KIF26B: variants seen among roughly 807,000 people sequenced by gnomAD.
KIF26B encodes the protein kinesin family member 26B, also known as kinesin-like protein KIF26B.
KIF26B carries 63 observed loss-of-function variants against 151.2 expected under a neutral mutation model. The observed-to-expected ratio is 0.42, with a 90% confidence interval of 0.34 to 0.51. The LOEUF (loss-of-function observed/expected upper bound fraction) is 0.51, where lower values mean the gene tolerates loss of function less well. KIF26B is among the 20% of genes least tolerant of loss of function. The pLI, the probability that KIF26B is intolerant of heterozygous loss-of-function variation, is 0.07. For missense variants in KIF26B, 2,813 were observed against 2,913.6 expected (o/e 0.97, Z 0.79); for synonymous variants, 1,357 against 1,262.1 (o/e 1.08, Z -1.59).
At chr1:245,190,836 G>T (rs915700823) in intron 2 of KIF26B, among the ~76,000 whole-genome samples, 15 of 151,406 alleles carry the variant, frequency 9.9e-5, no homozygotes, top group African/African-American at 3.2e-4. Context: ...AAGGTGGGTG[G>T]ATCACCTGAG....
chr1:245,515,197 C>T (rs951702517), intron 4 of KIF26B, among the ~76,000 whole-genome samples: 4 of 152,170 alleles, frequency 2.6e-5, no homozygotes, highest in South Asian at 2.1e-4. Context: ...TGACTCGTGC[C>T]GGTCCCTCAG....
chr1:245,174,503 T>TGTATGTAC (rs10666741), intron 2 of KIF26B, among the ~76,000 whole-genome samples: 113,345 of 149,938 alleles, frequency 0.76, 46,155 homozygotes, highest in Non-Finnish European at 0.9. Context: ...TATGTACTTA[T>TGTATGTAC]TTATTTATTT....
chr1:245,212,340 C>T (rs1391560910), intron 2 of KIF26B, among the ~76,000 whole-genome samples: 17 of 152,134 alleles, frequency 1.1e-4, no homozygotes, highest in Admixed American at 6.5e-5. Flanking sequence ...TGGAATTCTG[C>T]GTTCCTGCAG....
At position 245,419,741 on chromosome 1, in the gene KIF26B, G is replaced by C. The variant is rs1285529920; in HGVS notation, c.1162G>C (p.Ala388Pro). The change falls in exon 4 of 15, where the codon GCA becomes CCA. Residue 388 changes from alanine to proline, a missense_variant. By Grantham distance (27) the Ala-to-Pro change is conservative. Transcript: ENST00000407071. The part of the protein sequence containing the change: ...TGTSVAASFF[A>P]RAAQKLNLSS... ...CACATCGGTGGCCGCCTCCTTCTTT[G>C]CACGGTAAGAGAGCTGTTCAGATCC... 1 of 1,610,686 alleles carries C rather than the reference G, an allele frequency of 6.2e-7. No individual in the cohort carries two copies. The highest frequency in any genetic ancestry group is 8.5e-7 in the Non-Finnish European group (1 of 1,178,422).
chr1:245,345,627 G>A (rs1002835899), intron 2 of KIF26B, among the ~76,000 whole-genome samples: 6 of 152,106 alleles, frequency 3.9e-5, no homozygotes, highest in African/African-American at 9.7e-5. Flanking sequence ...GGATCTCGGG[G>A]GTGGTTTCTC....
chr1:245,503,380 T>G (rs973255757), intron 4 of KIF26B, among the ~76,000 whole-genome samples: 1 of 152,230 alleles, frequency 6.6e-6, no homozygotes, highest in Non-Finnish European at 1.5e-5. Context: ...ATATACCACA[T>G]GCCAAATGAG....
At chr1:245,508,395 C>T (rs1236287487) in intron 4 of KIF26B, among the ~76,000 whole-genome samples, 7 of 152,260 alleles carry the variant, frequency 4.6e-5, no homozygotes, top group South Asian at 2.1e-4. Flanking sequence ...CGCCCGCCAC[C>T]ACGCCCGGCT....
At chr1:245,701,328 T>C (rs578109636) in intron 14 of KIF26B, among the ~76,000 whole-genome samples, 2 of 152,208 alleles carry the variant, frequency 1.3e-5, no homozygotes, top group South Asian at 4.1e-4. Context: ...TTTTTAGTTC[T>C]ATTATTTCTT....
chr1:245,674,277 T>A (rs2147943750), intron 10 of KIF26B, among the ~76,000 whole-genome samples: 1 of 152,290 alleles, frequency 6.6e-6, no homozygotes, highest in South Asian at 2.1e-4. Context: ...TAACTCAGGA[T>A]AATGATTCAG....
intron 3 of KIF26B, among the ~76,000 whole-genome samples, chr1:245,397,540 ACTT>A (rs1673878986): frequency 1.3e-5 from 2 of 152,184 alleles, no homozygotes; most frequent in Admixed American, 1.3e-4. Flanking sequence ...TAGCTTGTTA[ACTT>A]TATTGTATTT....
intron 5 of KIF26B, among the ~76,000 whole-genome samples, chr1:245,555,870 G>A (rs578116527): frequency 6.6e-6 from 1 of 152,306 alleles, no homozygotes; most frequent in South Asian, 2.1e-4. Context: ...GTGGACCACT[G>A]ATTTCACAAT....
At chr1:245,186,270 G>A (rs1182806993) in intron 2 of KIF26B, among the ~76,000 whole-genome samples, 1 of 152,150 alleles carries the variant, frequency 6.6e-6, no homozygotes, top group Non-Finnish European at 1.5e-5. Flanking sequence ...CATGGGCCGA[G>A]CTGGGTTCTA....
At chr1:245,298,330 G>A (rs541675654) in intron 2 of KIF26B, among the ~76,000 whole-genome samples, 21 of 152,330 alleles carry the variant, frequency 1.4e-4, no homozygotes, top group Admixed American at 9.8e-4. Context: ...ATTCTTCAGC[G>A]TGGAGAAAGA....
At chr1:245,567,068 C>T (rs2043017745) in intron 5 of KIF26B, among the ~76,000 whole-genome samples, 1 of 152,202 alleles carries the variant, frequency 6.6e-6, no homozygotes, top group Admixed American at 6.5e-5. Flanking sequence ...GAGCCCTGCA[C>T]CCCAGCCGCG....
At chr1:245,354,793 T>A (rs1672648353) in intron 2 of KIF26B, among the ~76,000 whole-genome samples, 1 of 152,242 alleles carries the variant, frequency 6.6e-6, no homozygotes, top group South Asian at 2.1e-4. Flanking sequence ...AACACCCACC[T>A]TGCCCTCCTG....
chr1:245,562,459 C>T (rs1192709746), intron 5 of KIF26B, among the ~76,000 whole-genome samples: 1 of 152,100 alleles, frequency 6.6e-6, no homozygotes, highest in Non-Finnish European at 1.5e-5. Context: ...GAACCAGGAC[C>T]GGCCTCGGGA....
In KIF26B at chr1:245,708,701, T is replaced by C. The variant is rs531278820; in HGVS notation, c.*6095T>C. On this transcript the variant is annotated 3_prime_UTR_variant, in exon 15 of 15. Transcript: ENST00000407071. ...CCAGCTTTGCCAGTCGTCCCGTCCG[T>C]GATATATTACCTAACTCCTCCAGAA... 2.0e-5 allele frequency: 3 copies of C among 152,278 alleles called. No homozygotes were observed. The South Asian group carries it at 6.2e-4, about 32-fold the overall frequency. 9.4% of individuals were successfully genotyped at this position (152,278 alleles called of 1,614,324 possible).
At chr1:245,316,663 G>A (rs1389722005) in intron 2 of KIF26B, among the ~76,000 whole-genome samples, 1 of 152,014 alleles carries the variant, frequency 6.6e-6, no homozygotes, top group Non-Finnish European at 1.5e-5. Context: ...CTTGCCAGCT[G>A]TCTGCAAGCT....
chr1:245,329,052 A>G (rs982474712), intron 2 of KIF26B, among the ~76,000 whole-genome samples: 1 of 152,166 alleles, frequency 6.6e-6, no homozygotes, highest in Non-Finnish European at 1.5e-5. Flanking sequence ...GGGCATCTGG[A>G]TATTGCTAGA....
Sources: gnomAD v4.1 joint callset for allele counts (sites outside exome capture counted in the v4.1 genomes callset) on GRCh38, gnomAD v4.1.1 for gene constraint, MANE v1.5 for transcripts, NCBI Gene and HGNC (gene_info 2026-07-23, HGNC 2026-07-21) for gene names.